The following FBXL17 variants were observed in gnomAD, a reference collection of about 807,000 sequenced individuals.
FBXL17 encodes F-box/LRR-repeat protein 17.
In FBXL17, 22 loss-of-function variants were observed where a neutral mutation model predicts 66.2. The ratio of observed to expected loss-of-function variants is 0.33; its 90% CI spans 0.24 to 0.47. The LOEUF is 0.47. Among genes scored for constraint, FBXL17 ranks in the 20% least tolerant of loss-of-function variants. FBXL17 has a pLI of 1.00. For synonymous variants in FBXL17, 474 were observed against 400.5 expected, an observed-to-expected ratio of 1.18 and a Z score of -2.19; for missense variants, 878 against 948.2, an observed-to-expected ratio of 0.93 and a Z score of 0.97.
At chr5:108,247,736 A>G (rs1278117422) in intron 4 of FBXL17, among the ~76,000 whole-genome samples, 1 of 152,160 alleles carries the variant, frequency 6.6e-6, no homozygotes, top group Non-Finnish European at 1.5e-5. Flanking sequence ...TTTTAAACTT[A>G]TTTCAGAGTA....
At chr5:108,333,802 AAGGGTTATCTTAAAAGAAAACATAGTAAT>A (rs1760248760) in intron 4 of FBXL17, among the ~76,000 whole-genome samples, 1 of 152,186 alleles carries the variant, frequency 6.6e-6, no homozygotes, top group African/African-American at 2.4e-5. Context: ...CTTGATTAGA[AAGGGTTATCTTAAAAGAAAACATAGTAAT>A]AAGTATTTAT....
At chr5:108,095,370 A>G (rs929161062) in intron 6 of FBXL17, among the ~76,000 whole-genome samples, 1 of 152,098 alleles carries the variant, frequency 6.6e-6, no homozygotes, top group Non-Finnish European at 1.5e-5. Flanking sequence ...ATACAGGAAG[A>G]AAGAGAGGGG....
intron 7 of FBXL17, among the ~76,000 whole-genome samples, chr5:107,942,290 G>A (rs1000800262): frequency 6.6e-6 from 1 of 152,140 alleles, no homozygotes; most frequent in African/African-American, 2.4e-5. Flanking sequence ...AGCAGAGGTG[G>A]AGGGGAGAGA....
chr5:108,051,087 G>C (rs970628796), intron 6 of FBXL17, among the ~76,000 whole-genome samples: 5 of 152,174 alleles, frequency 3.3e-5, no homozygotes, highest in African/African-American at 1.2e-4. Context: ...AATTGAGGCA[G>C]TGATTAATAG....
intron 7 of FBXL17, among the ~76,000 whole-genome samples, chr5:107,898,920 A>G (rs559986743): frequency 2.0e-5 from 3 of 152,314 alleles, no homozygotes; most frequent in African/African-American, 7.2e-5. Context: ...GTGCTGCAAT[A>G]AACACACATG....
intron 4 of FBXL17, among the ~76,000 whole-genome samples, chr5:108,342,767 T>C (rs987559449): frequency 3.3e-5 from 5 of 152,220 alleles, no homozygotes; most frequent in Admixed American, 6.5e-5. Context: ...GGATTAATTA[T>C]ATAAAACAGC....
chr5:107,982,249 T>C (rs553957506), intron 7 of FBXL17, among the ~76,000 whole-genome samples: 1 of 152,312 alleles, frequency 6.6e-6, no homozygotes, highest in South Asian at 2.1e-4. Flanking sequence ...CTTAAAAGGA[T>C]AACTGTACTT....
rs368287414 is a variant in FBXL17 at position 108,089,515 on chromosome 5, T to C, written c.1746-68514A>G. ...CTTCCTTAAATCTCTTCTTAATCTCTACCTCCTCAGGGAAGATCCTCATGG... is the reference window on the plus strand; with the variant it reads ...CTTCCTTAAATCTCTTCTTAATCTCCACCTCCTCAGGGAAGATCCTCATGG... On this transcript the variant is annotated intron_variant, in intron 6 of 8. Transcript: ENST00000542267. Among the ~76,000 whole-genome samples the C allele has an allele frequency of 3.3e-4, 50 of 152,314 alleles. 1 individual carries two copies. In the South Asian group the frequency reaches 0.01, roughly 31 times the overall value.
intron 7 of FBXL17, among the ~76,000 whole-genome samples, chr5:107,888,532 C>T (rs983452823): frequency 6.6e-6 from 1 of 152,184 alleles, no homozygotes; most frequent in Non-Finnish European, 1.5e-5. Context: ...CTTCTATTCT[C>T]CCAACAAGGA....
intron 4 of FBXL17, among the ~76,000 whole-genome samples, chr5:108,343,611 A>T (rs1747037068): frequency 6.6e-6 from 1 of 152,184 alleles, no homozygotes; most frequent in African/African-American, 2.4e-5. Context: ...GAACAGTAAG[A>T]GTCAGGAAAT....
chr5:108,023,002 A>T (rs1024168909), intron 6 of FBXL17, among the ~76,000 whole-genome samples: 4 of 152,274 alleles, frequency 2.6e-5, no homozygotes, highest in African/African-American at 9.6e-5. Context: ...CTCAGGAGGC[A>T]ATACAGTGGC....
At chr5:108,268,200 C>T (rs1757121848) in intron 4 of FBXL17, among the ~76,000 whole-genome samples, 1 of 151,942 alleles carries the variant, frequency 6.6e-6, no homozygotes. Context: ...ATATTCAACT[C>T]ATGAATAAAT....
intron 7 of FBXL17, among the ~76,000 whole-genome samples, chr5:107,955,773 T>G (rs944249378): frequency 3.3e-5 from 5 of 152,178 alleles, no homozygotes; most frequent in African/African-American, 1.2e-4. Flanking sequence ...TTATATCTGG[T>G]TTCAGAATAG....
chr5:107,878,116 T>C, intron 8 of FBXL17: 1 of 465,260 alleles, frequency 2.1e-6, no homozygotes, highest in South Asian at 9.2e-5. Context: ...GGCATTAGTT[T>C]TTCCATTGCA....
At chr5:108,086,645 G>A (rs1412617920) in intron 6 of FBXL17, among the ~76,000 whole-genome samples, 3 of 152,028 alleles carry the variant, frequency 2.0e-5, no homozygotes, top group East Asian at 1.9e-4. Flanking sequence ...TGCGACCTCC[G>A]CCTCCTGGGT....
chr5:108,068,543 C>T (rs1463021097), intron 6 of FBXL17, among the ~76,000 whole-genome samples: 2 of 152,048 alleles, frequency 1.3e-5, no homozygotes, highest in African/African-American at 2.4e-5. Flanking sequence ...GCAACCTCCA[C>T]CTCCCGGGTT....
At chr5:108,164,987 G>A (rs1752359978) in intron 6 of FBXL17, among the ~76,000 whole-genome samples, 1 of 152,168 alleles carries the variant, frequency 6.6e-6, no homozygotes, top group African/African-American at 2.4e-5. Flanking sequence ...TCCACAATTG[G>A]CATAGGTATG....
At chr5:107,920,838 G>A (rs750763982) in intron 7 of FBXL17, among the ~76,000 whole-genome samples, 4 of 152,038 alleles carry the variant, frequency 2.6e-5, no homozygotes, top group Non-Finnish European at 4.4e-5. Flanking sequence ...AGGTCTCCAC[G>A]GTATAATTTG....
At chr5:107,872,347 G>T (rs914392871) in intron 8 of FBXL17, among the ~76,000 whole-genome samples, 2 of 152,160 alleles carry the variant, frequency 1.3e-5, no homozygotes, top group East Asian at 1.9e-4. Flanking sequence ...TCCAAGGGGG[G>T]AAGCTTTCTT....
Sources: gnomAD v4.1 joint callset for allele counts (sites outside exome capture counted in the v4.1 genomes callset) on GRCh38, gnomAD v4.1.1 for gene constraint, MANE v1.5 for transcripts, NCBI Gene and HGNC (gene_info 2026-07-23, HGNC 2026-07-21) for gene names.